Variants in RAF1 observed in about 807,000 individuals in gnomAD.
The protein encoded by RAF1 is Raf-1 proto-oncogene, serine/threonine kinase, also known as RAF proto-oncogene serine/threonine-protein kinase.
A neutral mutation model predicts 81.1 loss-of-function variants in RAF1; 27 were observed. The observed-to-expected ratio is 0.33, with a 90% CI of 0.25 to 0.46. The LOEUF (loss-of-function observed/expected upper bound fraction) is 0.46, where lower values mean the gene tolerates loss of function less well. Among genes scored for constraint, RAF1 ranks in the 20% least tolerant of loss-of-function variants. The probability of loss-of-function intolerance (pLI) is 1.00; values close to 1 mark genes in which losing one functional copy is unlikely to be tolerated. For missense variants in RAF1, 598 were observed against 826.0 expected, an observed-to-expected ratio of 0.72 and a Z score of 3.38; for synonymous variants, 298 against 294.0, an observed-to-expected ratio of 1.01 and a Z score of -0.14.
In RAF1 at chr3:12,618,883, G is replaced by C. The variant is rs2059460290; in HGVS notation, c.-26-136C>G. On this transcript the variant is annotated intron_variant, in intron 1 of 17. Transcript: ENST00000442415. ...CTCCTGCATTCATCAGCAAAGAAAA[G>C]TTTCTTTAATAGTACACTTCCATTA... 1.3e-5 allele frequency: 9 copies of C among 701,698 alleles called. No homozygotes were observed. The South Asian group carries it at 1.6e-4, about 12-fold the overall frequency. 43.5% of individuals were successfully genotyped at this position (701,698 alleles called of 1,614,324 possible).
At chr3:12,626,356 G>A (rs13090672) in intron 1 of RAF1, among the ~76,000 whole-genome samples, 18,465 of 151,814 alleles carry the variant, frequency 0.12, 1,359 homozygotes, top group Admixed American at 0.2. Flanking sequence ...GGAAGGCTGA[G>A]ATGGGAGGAC....
intron 1 of RAF1, among the ~76,000 whole-genome samples, chr3:12,659,570 C>CAATAAAAGAGCT (rs71063860): frequency 6.6e-6 from 1 of 151,512 alleles, no homozygotes; most frequent in African/African-American, 2.4e-5. Flanking sequence ...ATACACATAC[C>CAATAAAAGAGCT]AAACAACCTC....
intron 15 of RAF1, 114 bp downstream of exon 14, chr3:12,585,567 G>T (rs2058305191): frequency 7.5e-7 from 1 of 1,340,588 alleles, no homozygotes; most frequent in African/African-American, 1.4e-5. Context: ...CTGTCACTAG[G>T]GGTCATGTGG....
chr3:12,604,813 TACCTA>T (rs2058975457), intron 6 of RAF1, among the ~76,000 whole-genome samples: 1 of 152,182 alleles, frequency 6.6e-6, no homozygotes, highest in African/African-American at 2.4e-5. Flanking sequence ...TAGATGGAAA[TACCTA>T]AATGTGAAAT....
At chr3:12,646,368 C>G (rs1390143139) in intron 1 of RAF1, among the ~76,000 whole-genome samples, 2 of 142,736 alleles carry the variant, frequency 1.4e-5, no homozygotes, top group Non-Finnish European at 3.1e-5. Flanking sequence ...AACGATATTA[C>G]CGGTTTCTTT....
At chr3:12,612,740 G>C (rs1226040920) in intron 2 of RAF1, among the ~76,000 whole-genome samples, 2 of 151,560 alleles carry the variant, frequency 1.3e-5, no homozygotes, top group Non-Finnish European at 2.9e-5. Context: ...AGACAGTTAA[G>C]AAAGTGGTTA....
chr3:12,596,190 CTTTCTTT>C (rs1339269463), intron 11 of RAF1, among the ~76,000 whole-genome samples: 2 of 91,460 alleles, frequency 2.2e-5, no homozygotes, highest in Non-Finnish European at 4.0e-5. Flanking sequence ...AAGAATTTTT[CTTTCTTT>C]TTTTTTTTTT....
intron 10 of RAF1, 79 bp from the exon 10 acceptor site, chr3:12,599,887 C>A: frequency 8.1e-7 from 1 of 1,240,676 alleles, no homozygotes; most frequent in South Asian, 1.2e-5. Flanking sequence ...AAGGATCAAC[C>A]CATGTCATCT....
intron 1 of RAF1, among the ~76,000 whole-genome samples, chr3:12,634,706 GTGGT>G (rs1345943129): frequency 6.6e-6 from 1 of 152,098 alleles, no homozygotes; most frequent in Admixed American, 6.6e-5. Flanking sequence ...AGGGAGGAAA[GTGGT>G]TGGAGGAAGA....
chr3:12,632,098 C>A (rs1174902050), intron 1 of RAF1, among the ~76,000 whole-genome samples: 1 of 151,196 alleles, frequency 6.6e-6, no homozygotes, highest in Admixed American at 6.8e-5. Context: ...GAGGCCAAGG[C>A]AGGGGGATCA....
chr3:12,631,632 T>C (rs2059864102), intron 1 of RAF1, among the ~76,000 whole-genome samples: 2 of 152,338 alleles, frequency 1.3e-5, no homozygotes, highest in African/African-American at 4.8e-5. Context: ...AATTGTTCAG[T>C]AGTGTTTGTA....
At chr3:12,639,371 G>C (rs2060119838) in intron 1 of RAF1, among the ~76,000 whole-genome samples, 1 of 152,166 alleles carries the variant, frequency 6.6e-6, no homozygotes, top group Non-Finnish European at 1.5e-5. Context: ...GTTCTGGCCA[G>C]AGCAATCAGG....
intron 1 of RAF1, among the ~76,000 whole-genome samples, chr3:12,650,528 A>G (rs1340760505): frequency 2.0e-5 from 3 of 152,208 alleles, no homozygotes; most frequent in Non-Finnish European, 2.9e-5. Flanking sequence ...TCACTATCAC[A>G]TAAATCTAAA....
chr3:12,599,438 A>G (rs1180407598), intron 11 of RAF1, among the ~76,000 whole-genome samples: 1 of 152,216 alleles, frequency 6.6e-6, no homozygotes, highest in Middle Eastern at 3.2e-3. Context: ...TAATCAGTTT[A>G]AAGGAGAAGT....
intron 1 of RAF1, among the ~76,000 whole-genome samples, chr3:12,628,943 GT>G (rs1419292291): frequency 6.6e-6 from 1 of 151,970 alleles, no homozygotes; most frequent in Non-Finnish European, 1.5e-5. Flanking sequence ...TAGAGATAGG[GT>G]TTTACCATGT....
chr3:12,629,581 G>A (rs1172432372), intron 1 of RAF1, among the ~76,000 whole-genome samples: 2 of 152,112 alleles, frequency 1.3e-5, no homozygotes, highest in Non-Finnish European at 2.9e-5. Flanking sequence ...AAGTAAAAAT[G>A]TCCAAGGTTA....
At chr3:12,589,794 T>TG (rs2058446438) in intron 13 of RAF1, 1 of 58,024 alleles carries the variant, frequency 1.7e-5, no homozygotes, top group African/African-American at 6.8e-5. Context: ...TTTTTTTGGG[T>TG]TTTTTTTTTT....
chr3:12,625,880 CACCAAT>C (rs1317215032), intron 1 of RAF1, among the ~76,000 whole-genome samples: 3 of 152,058 alleles, frequency 2.0e-5, no homozygotes, highest in Non-Finnish European at 4.4e-5. Flanking sequence ...TGTCACCTGT[CACCAAT>C]ACCAATACAA....
intron 1 of RAF1, among the ~76,000 whole-genome samples, chr3:12,623,348 T>C (rs556813866): frequency 9.8e-5 from 15 of 152,370 alleles, no homozygotes; most frequent in African/African-American, 2.4e-4. Context: ...ACTCAAAATA[T>C]AGTGCTGGTA....
Sources: allele counts gnomAD v4.1 joint callset (sites outside exome capture counted in the v4.1 genomes callset), GRCh38; gene constraint gnomAD v4.1.1; transcripts MANE v1.5; gene names NCBI Gene and HGNC (gene_info 2026-07-23, HGNC 2026-07-21).